CWC27: variants seen among roughly 807,000 people sequenced by gnomAD.
CWC27 encodes the protein spliceosome-associated protein CWC27 homolog.
Under a neutral mutation model 63.6 loss-of-function variants are expected in CWC27, and 47 were observed. The observed-to-expected ratio is 0.74, with a 90% CI of 0.58 to 0.94. The LOEUF (loss-of-function observed/expected upper bound fraction) is 0.94, where lower values mean the gene tolerates loss of function less well. Ranked by LOEUF, CWC27 falls within the 40% of genes least tolerant of loss-of-function variation. CWC27 has a pLI of 0.00. For synonymous variants in CWC27, 175 were observed against 179.8 expected (o/e 0.97, Z 0.22); for missense variants, 495 against 554.3 (o/e 0.89, Z 1.07).
intron 11 of CWC27, among the ~76,000 whole-genome samples, chr5:64,968,606 G>C (rs1749066072): frequency 6.6e-6 from 1 of 152,152 alleles, no homozygotes; most frequent in African/African-American, 2.4e-5. Context: ...ACTACATACT[G>C]TATGATCCCA....
intron 13 of CWC27, among the ~76,000 whole-genome samples, chr5:65,017,302 C>T (rs1156418363): frequency 2.6e-5 from 4 of 151,982 alleles, no homozygotes; most frequent in Non-Finnish European, 5.9e-5. Context: ...GCCTGGGCAA[C>T]AGAGTGAGAC....
At chr5:64,893,614 A>G (rs1016009992) in intron 11 of CWC27, among the ~76,000 whole-genome samples, 3 of 152,216 alleles carry the variant, frequency 2.0e-5, no homozygotes, top group Non-Finnish European at 2.9e-5. Context: ...TAATAGCTAC[A>G]TTAAACAATG....
chr5:64,776,225 T>A (rs190225161), intron 2 of CWC27, among the ~76,000 whole-genome samples: 59 of 152,134 alleles, frequency 3.9e-4, no homozygotes, highest in African/African-American at 1.4e-3. Flanking sequence ...CAAATATCTG[T>A]TAACCAAGTT....
chr5:64,887,623 A>G (rs1350641270), intron 11 of CWC27, among the ~76,000 whole-genome samples: 7 of 152,126 alleles, frequency 4.6e-5, no homozygotes, highest in Non-Finnish European at 1.0e-4. Context: ...CTGCCTCAGC[A>G]GTGTCAGAAT....
chr5:64,792,271 T>C (rs983232289), intron 7 of CWC27, among the ~76,000 whole-genome samples: 1 of 152,102 alleles, frequency 6.6e-6, no homozygotes, highest in Non-Finnish European at 1.5e-5. Flanking sequence ...TAAATTAGAA[T>C]TTCCAAGCGA....
chr5:64,923,317 A>G (rs1243234384), intron 11 of CWC27, among the ~76,000 whole-genome samples: 1 of 152,046 alleles, frequency 6.6e-6, no homozygotes, highest in African/African-American at 2.4e-5. Flanking sequence ...GGACAACAGG[A>G]TGTACAGATC....
At chr5:64,792,193 C>A (rs991194300) in intron 7 of CWC27, among the ~76,000 whole-genome samples, 1 of 152,082 alleles carries the variant, frequency 6.6e-6, no homozygotes, top group Non-Finnish European at 1.5e-5. Context: ...GTTAAACTTT[C>A]CTGGTGATAA....
intron 11 of CWC27, among the ~76,000 whole-genome samples, chr5:64,952,186 T>C (rs1446601875): frequency 6.6e-6 from 1 of 151,998 alleles, no homozygotes; most frequent in Non-Finnish European, 1.5e-5. Flanking sequence ...GATATGTAAA[T>C]AGTTGTTATA....
chr5:64,864,563 A>C (rs1219936934), intron 10 of CWC27, among the ~76,000 whole-genome samples: 1 of 152,138 alleles, frequency 6.6e-6, no homozygotes, highest in East Asian at 1.9e-4. Context: ...AGAGCCTGAA[A>C]AGTTAATTTC....
chr5:64,990,251 GTTTTTTTTTTTTTTGT>G lies in CWC27; in HGVS notation c.1256+13028_1256+13043del, dbSNP rs1333665013. Among the ~76,000 whole-genome samples the G allele has an allele frequency of 4.5e-3, 121 of 26,966 alleles. 23 individuals carry two copies. The highest frequency in any genetic ancestry group is 0.016 in the East Asian group (21 of 1,298). The allele number at this position is 26,966 out of a possible 152,430, so 17.7% of individuals were successfully genotyped here. A position where few individuals can be genotyped will look rare whatever the true frequency, so the allele number is the denominator to read the frequency against. On this transcript the variant is annotated intron_variant, in intron 13 of 13. Coordinates refer to ENST00000381070, the MANE Select transcript of CWC27 (RefSeq NM_005869.4). The stretch of plus-strand genomic sequence containing the variant: ...TAGAGTTTTTATTTGTTTTTTTTTT[GTTTTTTTTTTTTTTGT>G]TTTTTTTTTTTTTTTGAGACGGAGT...
At chr5:64,776,092 AG>A (rs1275117929) in intron 2 of CWC27, among the ~76,000 whole-genome samples, 2 of 149,136 alleles carry the variant, frequency 1.3e-5, no homozygotes, top group African/African-American at 2.5e-5. Flanking sequence ...AGAGAGAGAG[AG>A]AGAGAGAGAG....
chr5:64,840,749 G>A (rs1745811934), intron 10 of CWC27, among the ~76,000 whole-genome samples: 1 of 152,044 alleles, frequency 6.6e-6, no homozygotes, highest in African/African-American at 2.4e-5. Context: ...GGTTTCTTTG[G>A]CCTAAATATG....
At chr5:64,978,322 G>A (rs1017899237) in intron 13 of CWC27, among the ~76,000 whole-genome samples, 4 of 152,154 alleles carry the variant, frequency 2.6e-5, no homozygotes, top group African/African-American at 7.2e-5. Flanking sequence ...GACCCTGAAA[G>A]CACTTGTCTA....
intron 11 of CWC27, among the ~76,000 whole-genome samples, chr5:64,906,278 T>A (rs1348117764): frequency 6.6e-6 from 1 of 152,192 alleles, no homozygotes; most frequent in Non-Finnish European, 1.5e-5. Flanking sequence ...ATGGTTGAAC[T>A]CCCACCAACA....
At chr5:64,992,040 C>T (rs1012348512) in intron 13 of CWC27, among the ~76,000 whole-genome samples, 4 of 152,118 alleles carry the variant, frequency 2.6e-5, no homozygotes, top group Admixed American at 6.5e-5. Flanking sequence ...AACTCTTCTA[C>T]GGGTAGTAGG....
chr5:64,825,652 T>C (rs1193995565), intron 10 of CWC27, among the ~76,000 whole-genome samples: 1 of 152,168 alleles, frequency 6.6e-6, no homozygotes, highest in African/African-American at 2.4e-5. Context: ...TTTTCTGATA[T>C]ATGCATTTAA....
chr5:64,892,011 T>C (rs1484279023), intron 11 of CWC27, among the ~76,000 whole-genome samples: 1 of 152,156 alleles, frequency 6.6e-6, no homozygotes, highest in Non-Finnish European at 1.5e-5. Context: ...GCCAGGCTGG[T>C]GTTGAACTCC....
intron 6 of CWC27, among the ~76,000 whole-genome samples, chr5:64,787,148 A>G (rs1254011260): frequency 2.0e-5 from 3 of 152,298 alleles, no homozygotes; most frequent in African/African-American, 4.8e-5. Flanking sequence ...GGTCCCTCCC[A>G]TAAAACACAT....
chr5:64,785,893 G>A (rs551433473), intron 5 of CWC27, among the ~76,000 whole-genome samples: 13 of 152,044 alleles, frequency 8.6e-5, no homozygotes, highest in Admixed American at 1.3e-4. Flanking sequence ...TGCTGGGCAC[G>A]GTGGCTCACA....
Sources: gnomAD v4.1 joint callset for allele counts (sites outside exome capture counted in the v4.1 genomes callset) on GRCh38, gnomAD v4.1.1 for gene constraint, MANE v1.5 for transcripts, NCBI Gene and HGNC (gene_info 2026-07-23, HGNC 2026-07-21) for gene names.